The following CLSPN variants were observed in gnomAD, a reference collection of about 807,000 sequenced individuals.
CLSPN encodes the protein claspin.
Under a neutral mutation model 156.3 loss-of-function variants are expected in CLSPN, and 85 were observed. The ratio of observed to expected loss-of-function variants is 0.54; its 90% CI spans 0.46 to 0.65. The LOEUF (loss-of-function observed/expected upper bound fraction) is 0.65, where lower values mean the gene tolerates loss of function less well. CLSPN is among the 30% of genes least tolerant of loss of function. The pLI is 0.00. For missense variants in CLSPN, 1,407 were observed against 1,554.9 expected, an observed-to-expected ratio of 0.90 and a Z score of 1.60; for synonymous variants, 534 against 542.4, an observed-to-expected ratio of 0.98 and a Z score of 0.22.
In CLSPN at chr1:35,732,522, T is replaced by A; in HGVS notation, c.*3974A>T. 2.0e-6 allele frequency: 2 copies of A among 985,430 alleles called. No homozygotes were observed. Among genetic ancestry groups the A allele is most frequent in the African/African-American group, 3.5e-5 (2 of 57,362 alleles). 61.0% of individuals were successfully genotyped at this position (985,430 alleles called of 1,614,324 possible). On this transcript the variant is annotated 3_prime_UTR_variant, in exon 25 of 25. Transcript: ENST00000318121. ...TTTATGGAAGAGACCCTAGTATGGC[T>A]GTGCAACTGTGAATTAATGAGATGA... is the stretch of plus-strand genomic sequence containing the variant.
chr1:35,738,121 T>TATAA, intron 21 of CLSPN, 24 bp from the exon 22 acceptor site: 1 of 433,688 alleles, frequency 2.3e-6, no homozygotes, highest in Non-Finnish European at 3.1e-6. Flanking sequence ...AAAATATATA[T>TATAA]ATATATATAT....
chr1:35,729,541 A>G (rs186004168), downstream of CLSPN, among the ~76,000 whole-genome samples: 358 of 152,344 alleles, frequency 2.3e-3, 2 homozygotes, highest in Non-Finnish European at 3.6e-3. Context: ...ACAGACCAAG[A>G]CAATAAAACT....
rs746837176 is a variant in CLSPN, at chr1:35,745,476, A to G, written c.2941T>C (p.Cys981Arg). Residue 981 changes from cysteine to arginine, a missense_variant, in exon 16 of 25, where the codon TGC becomes CGC. Coordinates refer to ENST00000318121, the MANE Select transcript of CLSPN (RefSeq NM_022111.4). ...GDPMEEALAL[C>R]SGSFPTDKEE... The stretch of plus-strand genomic sequence containing the variant: ...TTGTCTGTGGGAAAAGAGCCTGAGC[A>G]AAGAGCAAGTGCTTCTTCCATTGGA... 1 of 1,613,724 alleles carries G rather than the reference A, an allele frequency of 6.2e-7. No homozygotes were observed. The highest frequency in any genetic ancestry group is 1.7e-5 in the Admixed American group (1 of 60,026).
In CLSPN at chr1:35,760,588, C is replaced by G; in HGVS notation, c.1333G>C (p.Val445Leu). The G allele has an allele frequency of 6.2e-7, 1 of 1,614,218 alleles. No homozygotes were observed. Among genetic ancestry groups the G allele is most frequent in the East Asian group, 2.2e-5 (1 of 44,890 alleles). The change falls in exon 8 of 25, where the codon GTT (valine) becomes CTT (leucine). Residue 445 changes from valine (V) to leucine (L), a missense_variant. Val to Leu is a conservative substitution (Grantham distance 32). Transcript: ENST00000318121. ...GGTTCAAATGCTACAAGCCCTCCAA[C>G]CTGACATTCCTCACTGTGATTGTTC... Reference protein sequence around the residue: ...LGNNHSEECQVGGLVAFEPHA... With the variant: ...LGNNHSEECQLGGLVAFEPHA...
At position 35,743,450 on chromosome 1, in the gene CLSPN, C is replaced by T; in HGVS notation, c.3042+5G>A. Reference sequence around the variant, plus strand: ...TTATGATTACTTTGTTCCCTTCATACTCACCTCATCACTATCAAACTCATT... The same window carrying T: ...TTATGATTACTTTGTTCCCTTCATATTCACCTCATCACTATCAAACTCATT... On this transcript the variant is annotated splice_donor_5th_base_variant and intron_variant, in intron 17 of 24. Transcript: ENST00000318121. The T allele has an allele frequency of 1.2e-6, 2 of 1,609,954 alleles. No individual in the cohort carries two copies. Among genetic ancestry groups the T allele is most frequent in the South Asian group, 1.1e-5 (1 of 90,892 alleles).
rs116747549 is a variant in CLSPN, at chr1:35,764,530, A to G, written c.318T>C (p.Thr106=). ...KNTKIKRIYK[T]VADSDESYME... is the part of the protein sequence containing the mutation. ...TGTAACTTTCATCACTGTCTGCCAC[A>G]GTTTTGTAAATCCTTTTGATTTTTG... is the stretch of plus-strand genomic sequence containing the variant. The change falls in exon 3 of 25, where the codon ACT becomes ACC. Residue 106 remains threonine, a synonymous_variant. Transcript: ENST00000318121. The G allele has an allele frequency of 2.2e-5, 35 of 1,613,860 alleles. No individual in the cohort carries two copies. In the African/African-American group the frequency reaches 4.5e-4, roughly 21 times the overall value.
chr1:35,748,381 T>G (rs375618973), intron 13 of CLSPN, 24 bp downstream of exon 13: 1 of 1,603,514 alleles, frequency 6.2e-7, no homozygotes. Context: ...GAGGAGGAGA[T>G]TAGAAAAACC....
chr1:35,739,620 A>G, intron 18 of CLSPN, 91 bp from the exon 19 acceptor site: 1 of 902,422 alleles, frequency 1.1e-6, no homozygotes, highest in East Asian at 2.6e-5. Context: ...GTCACTTCTA[A>G]TAATAATAAA....
At chr1:35,729,122 G>A (rs1014133785), downstream of CLSPN, among the ~76,000 whole-genome samples, 31 of 152,260 alleles carry the variant, frequency 2.0e-4, no homozygotes, top group Non-Finnish European at 2.8e-4. Context: ...CAAACAAACA[G>A]AAGGGTGGGC....
Position 35,764,683 on chromosome 1 carries a change from C to A in CLSPN, c.165G>T (p.Lys55Asn). The A allele has an allele frequency of 6.3e-7, 1 of 1,581,684 alleles. No individual in the cohort carries two copies. Among genetic ancestry groups the A allele is most frequent in the Non-Finnish European group, 8.5e-7 (1 of 1,170,472 alleles). Residue 55 changes from lysine to asparagine, a missense_variant, in exon 3 of 25, where the codon AAG (lysine) becomes AAT (asparagine). By Grantham distance (94) the Lys-to-Asn change is moderately conservative (BLOSUM62 0). Around this residue, in one of 3 missense-constraint regions of CLSPN, gnomAD observed 1,096 missense variants for 1,193.0 expected, o/e 0.92. Coordinates refer to ENST00000318121, the MANE Select transcript of CLSPN (RefSeq NM_022111.4). ...CTTGTAGAACCTTCCTGTTTTTCAA[C>A]TTCTTACTTACAAATATCTCTTCAT... The part of the protein sequence containing the change: ...DSDEEIFVSK[K>N]LKNRKVLQDS...
intron 10 of CLSPN, 112 bp downstream of exon 10, chr1:35,751,138 C>T (rs1307514020): frequency 2.2e-6 from 3 of 1,359,436 alleles, no homozygotes; most frequent in Non-Finnish European, 3.0e-6. Flanking sequence ...CCTCATCATG[C>T]CCCTAAAACC....
At chr1:35,750,012 T>A (rs1308035361) in intron 10 of CLSPN, among the ~76,000 whole-genome samples, 1 of 151,748 alleles carries the variant, frequency 6.6e-6, no homozygotes, top group African/African-American at 2.4e-5. Context: ...TTTTTTTTTT[T>A]ACCTTCTACC....
rs1641372410 is a variant in CLSPN, at chr1:35,733,521, G to C, written c.*2975C>G. On this transcript the variant is annotated 3_prime_UTR_variant, in exon 25 of 25. Coordinates refer to ENST00000318121, the MANE Select transcript of CLSPN (RefSeq NM_022111.4). ...TCAAAAGACATGTAGGGAAACAAGAGGGAAGAAATATCTAGCCTTCCTGCT... is the reference window on the plus strand; with the variant it reads ...TCAAAAGACATGTAGGGAAACAAGACGGAAGAAATATCTAGCCTTCCTGCT... 1 of 985,106 alleles carries C rather than the reference G, an allele frequency of 1.0e-6. No homozygotes were observed. Among genetic ancestry groups the C allele is most frequent in the Admixed American group, 6.2e-5 (1 of 16,242 alleles). 61.0% of individuals were successfully genotyped at this position (985,106 alleles called of 1,614,324 possible).
Position 35,735,761 on chromosome 1 carries a change from C to T in CLSPN, c.*735G>A, listed in dbSNP as rs1237832726. 1 of 984,748 alleles carries T rather than the reference C, an allele frequency of 1.0e-6. No individual in the cohort carries two copies. Among genetic ancestry groups the T allele is most frequent in the East Asian group, 1.1e-4 (1 of 8,792 alleles). 61.0% of individuals were successfully genotyped at this position (984,748 alleles called of 1,614,324 possible). A position where few individuals can be genotyped will look rare whatever the true frequency, so the allele number is the denominator to read the frequency against. On this transcript the variant is annotated 3_prime_UTR_variant, in exon 25 of 25. Transcript: ENST00000318121. ...GAGCCCTGGTCATCATGGTACGTAT[C>T]TCATGGGTGTAAAGGAGTCATTATG... is the stretch of plus-strand genomic sequence containing the variant.
At chr1:35,742,349 T>C (rs368925692) in intron 18 of CLSPN, among the ~76,000 whole-genome samples, 1 of 152,098 alleles carries the variant, frequency 6.6e-6, no homozygotes, top group African/African-American at 2.4e-5. Context: ...ATGAGGAGAA[T>C]AATAGTACCC....
chr1:35,758,175 T>G lies in CLSPN; in HGVS notation c.1579+2167A>C, dbSNP rs555399924. 9.1e-4 allele frequency among the ~76,000 whole-genome samples: 131 copies of G among 143,930 alleles called. 1 individual carries two copies. Among genetic ancestry groups the G allele is most frequent in the Middle Eastern group, 3.5e-3 (1 of 282 alleles). 94.4% of individuals were successfully genotyped at this position (143,930 alleles called of 152,430 possible). On this transcript the variant is annotated intron_variant, in intron 8 of 24. Transcript: ENST00000318121. ...TTAATGAAAGATAATTTTTTTGTGT[T>G]TTTTTTTTTTTTATGAGACAGGGTC...
At position 35,761,099 on chromosome 1, in the gene CLSPN, A is replaced by C. The variant is rs1209114299; in HGVS notation, c.1001T>G (p.Leu334Trp). ...AATAAGGAAAGAGGGTTCTTACTTC[A>C]ATAGTGCCATGGCATTTCCGTGGCA... ...PTCHGNAMALLKSSKYQSSHH... is the reference protein window; with the variant it reads ...PTCHGNAMALWKSSKYQSSHH... Residue 334 changes from leucine to tryptophan, a missense_variant, in exon 7 of 25, where the codon TTG becomes TGG. Leu to Trp is a moderately conservative substitution (Grantham distance 61). Transcript: ENST00000318121. The C allele has an allele frequency of 6.3e-7, 1 of 1,597,680 alleles. No individual in the cohort carries two copies. The highest frequency in any genetic ancestry group is 2.2e-5 in the East Asian group (1 of 44,802).
At position 35,733,089 on chromosome 1, in the gene CLSPN, C is replaced by G. The variant is rs1037332219; in HGVS notation, c.*3407G>C. 17 of 375,492 alleles carry G rather than the reference C, an allele frequency of 4.5e-5. No homozygotes were observed. The highest frequency in any genetic ancestry group is 3.5e-4 in the African/African-American group (16 of 45,462). The allele number at this position is 375,492 out of a possible 1,614,324, so 23.3% of individuals were successfully genotyped here. ...AAGCAATTCTCTTGTCTCAGCCTCC[C>G]AAGTAGCTGGGACTACAGGCACCTG... On this transcript the variant is annotated 3_prime_UTR_variant, in exon 25 of 25. Coordinates refer to ENST00000318121, the MANE Select transcript of CLSPN (RefSeq NM_022111.4).
Position 35,765,248 on chromosome 1 carries a change from A to G in CLSPN, c.103T>C (p.Tyr35His), listed in dbSNP as rs1642629594. 9 of 1,613,594 alleles carry G rather than the reference A, an allele frequency of 5.6e-6. No homozygotes were observed. Among genetic ancestry groups the G allele is most frequent in the Non-Finnish European group, 6.8e-6 (8 of 1,179,698 alleles). The change falls in exon 2 of 25, where the codon TAT (tyrosine) becomes CAT (histidine). Residue 35 changes from tyrosine to histidine, a missense_variant. Transcript: ENST00000318121. The part of the protein sequence containing the change: ...DSPSDSGQGS[Y>H]ETIGPLSEGD... ...TCACTCAAGGGTCCAATTGTTTCAT[A>G]GCTGCCCTGTCCACTATCTGAAGGA...
Sources: allele counts gnomAD v4.1 joint callset (sites outside exome capture counted in the v4.1 genomes callset), GRCh38; gene constraint gnomAD v4.1.1; regional missense constraint gnomAD v4.1.1; transcripts MANE v1.5; gene names NCBI Gene and HGNC (gene_info 2026-07-23, HGNC 2026-07-21).